PTPRR: variants seen among roughly 807,000 people sequenced by gnomAD.
PTPRR encodes protein tyrosine phosphatase receptor type R.
In PTPRR, 38 loss-of-function variants were observed where a neutral mutation model predicts 77.2. That is an observed-to-expected ratio of 0.49 (90% CI 0.38 to 0.65). PTPRR has a LOEUF of 0.65. Ranked by LOEUF, PTPRR falls within the 30% of genes least tolerant of loss-of-function variation. The pLI is 0.00. For missense variants in PTPRR, 744 were observed against 799.2 expected (o/e 0.93, Z 0.83); for synonymous variants, 299 against 283.1 (o/e 1.06, Z -0.57).
chr12:70,764,975 T>C (rs930339458), intron 2 of PTPRR, among the ~76,000 whole-genome samples, 197 bp from the exon 3 acceptor site: 8 of 152,286 alleles, frequency 5.3e-5, no homozygotes, highest in Non-Finnish European at 8.8e-5. Flanking sequence ...TATAGGAACA[T>C]TGCATGTGAA....
At chr12:70,674,804 TAATA>T (rs973022082) in intron 10 of PTPRR, among the ~76,000 whole-genome samples, 4 of 152,120 alleles carry the variant, frequency 2.6e-5, no homozygotes, top group African/African-American at 4.8e-5. Context: ...TTTGTCTGCT[TAATA>T]AATACTAATA....
intron 2 of PTPRR, among the ~76,000 whole-genome samples, chr12:70,825,843 A>G (rs1379009786): frequency 6.6e-6 from 1 of 152,238 alleles, no homozygotes; most frequent in Non-Finnish European, 1.5e-5. Flanking sequence ...GAAGCAATGG[A>G]TATAAAATAA....
At chr12:70,677,063 C>T (rs1295680221) in intron 10 of PTPRR, among the ~76,000 whole-genome samples, 1 of 151,952 alleles carries the variant, frequency 6.6e-6, no homozygotes, top group Admixed American at 6.6e-5. Flanking sequence ...GGATATATTT[C>T]TGTTTATTTG....
At chr12:70,858,754 A>T (rs1489278494) in intron 2 of PTPRR, among the ~76,000 whole-genome samples, 1 of 151,948 alleles carries the variant, frequency 6.6e-6, no homozygotes, top group African/African-American at 2.4e-5. Flanking sequence ...TACCTTCTCC[A>T]TATCTTTATA....
chr12:70,873,351 G>C lies in PTPRR; in HGVS notation c.357+19328C>G, dbSNP rs143366087. On this transcript the variant is annotated intron_variant, in intron 2 of 13. Coordinates refer to ENST00000283228, the MANE Select transcript of PTPRR (RefSeq NM_002849.4). ...GAGAGCAACTTATGCCAGTCAAAAT[G>C]CCTGGGAAATGAAGGTGCCTAGGGA... 2.4e-3 allele frequency among the ~76,000 whole-genome samples: 364 copies of C among 152,280 alleles called. 2 individuals carry two copies. The highest frequency in any genetic ancestry group is 0.01 in the Middle Eastern group (3 of 294).
intron 2 of PTPRR, among the ~76,000 whole-genome samples, chr12:70,874,397 C>T (rs150645067): frequency 2.0e-5 from 3 of 151,942 alleles, no homozygotes; most frequent in African/African-American, 7.2e-5. Context: ...ACAGACTGCA[C>T]GATGCAGTAA....
intron 10 of PTPRR, among the ~76,000 whole-genome samples, chr12:70,681,239 C>G (rs1016971109): frequency 6.6e-6 from 1 of 152,120 alleles, no homozygotes; most frequent in Non-Finnish European, 1.5e-5. Context: ...GCTACTGGCC[C>G]CTGGAACAGG....
At chr12:70,654,063 A>G (rs547574173) in intron 13 of PTPRR, among the ~76,000 whole-genome samples, 21 of 152,270 alleles carry the variant, frequency 1.4e-4, no homozygotes, top group Middle Eastern at 3.4e-3. Flanking sequence ...TTGAATGTTT[A>G]TTTTTTTAGA....
intron 2 of PTPRR, among the ~76,000 whole-genome samples, chr12:70,782,598 C>A (rs1046309389): frequency 6.6e-6 from 1 of 151,824 alleles, no homozygotes; most frequent in Non-Finnish European, 1.5e-5. Context: ...GACAAAAAAC[C>A]AAACACCGCA....
chr12:70,771,884 G>A (rs1332638662), intron 2 of PTPRR, among the ~76,000 whole-genome samples: 2 of 152,174 alleles, frequency 1.3e-5, no homozygotes. Flanking sequence ...TGGTAAAAAT[G>A]CCAGTGGTAC....
At chr12:70,835,143 A>T (rs1268466494) in intron 2 of PTPRR, among the ~76,000 whole-genome samples, 1 of 152,176 alleles carries the variant, frequency 6.6e-6, no homozygotes, top group Non-Finnish European at 1.5e-5. Flanking sequence ...TAAGAGGAAA[A>T]TAATTAAAAA....
chr12:70,821,701 G>A (rs917574594), intron 2 of PTPRR, among the ~76,000 whole-genome samples: 1 of 150,800 alleles, frequency 6.6e-6, no homozygotes, highest in African/African-American at 2.4e-5. Context: ...TCACTCTGTC[G>A]CCCAGGCTGG....
At chr12:70,664,405 AC>A in intron 10 of PTPRR, 1 of 152,286 alleles carries the variant, frequency 6.6e-6, no homozygotes, top group Non-Finnish European at 1.5e-5. Context: ...GTATCTTAAA[AC>A]CCATGCCTCC....
At chr12:70,643,771 C>CTT (rs11390699) in intron 13 of PTPRR, among the ~76,000 whole-genome samples, 31 of 151,160 alleles carry the variant, frequency 2.1e-4, no homozygotes, top group African/African-American at 7.6e-4. Context: ...CTTTTTCTTA[C>CTT]TTTTTTTTTC....
intron 1 of PTPRR, among the ~76,000 whole-genome samples, chr12:70,895,222 G>T (rs1893406475): frequency 6.6e-6 from 1 of 151,338 alleles, no homozygotes. Context: ...TAAATAAAAA[G>T]AAAAAAGCAG....
At chr12:70,796,257 T>C (rs1474639381) in intron 2 of PTPRR, among the ~76,000 whole-genome samples, 2 of 152,060 alleles carry the variant, frequency 1.3e-5, no homozygotes, top group African/African-American at 4.8e-5. Context: ...AGATAATCTG[T>C]CTTCCATTTC....
At chr12:70,779,364 G>C (rs1278244302) in intron 2 of PTPRR, among the ~76,000 whole-genome samples, 1 of 151,942 alleles carries the variant, frequency 6.6e-6, no homozygotes, top group East Asian at 1.9e-4. Flanking sequence ...CCTCAAGCCA[G>C]CTATGCTCAT....
intron 2 of PTPRR, among the ~76,000 whole-genome samples, chr12:70,783,032 G>A (rs1891236988): frequency 6.6e-6 from 1 of 152,064 alleles, no homozygotes; most frequent in Non-Finnish European, 1.5e-5. Flanking sequence ...TTTAATGTGG[G>A]CCCTACATGA....
chr12:70,707,675 T>A (rs903727883), intron 6 of PTPRR, among the ~76,000 whole-genome samples: 4 of 152,102 alleles, frequency 2.6e-5, no homozygotes, highest in Non-Finnish European at 5.9e-5. Context: ...CAAAATCTCT[T>A]GAGTTTGGAG....
Sources: gnomAD v4.1 joint callset for allele counts (sites outside exome capture counted in the v4.1 genomes callset) on GRCh38, gnomAD v4.1.1 for gene constraint, MANE v1.5 for transcripts, NCBI Gene and HGNC (gene_info 2026-07-23, HGNC 2026-07-21) for gene names.